TSPAN16: variants seen among roughly 807,000 people sequenced by gnomAD.
TSPAN16 encodes tetraspanin 16.
Under a neutral mutation model 25.2 loss-of-function variants are expected in TSPAN16, and 23 were observed. The observed-to-expected ratio is 0.91, with a 90% confidence interval of 0.66 to 1.29. The LOEUF is 1.29. Among genes scored for constraint, TSPAN16 ranks in the 50% most tolerant of loss-of-function variants. TSPAN16 has a pLI of 0.00. For missense variants in TSPAN16, 272 were observed against 299.9 expected (o/e 0.91, Z 0.69); for synonymous variants, 123 against 124.4 (o/e 0.99, Z 0.08).
chr19:11,321,157 G>C (rs557673949), intron 6 of TSPAN16: 2 of 148,478 alleles, frequency 1.3e-5, no homozygotes, highest in Non-Finnish European at 1.5e-5. Flanking sequence ...GGCAGAGTAG[G>C]ACTGAGTCTC....
At position 11,326,349 on chromosome 19, in the gene TSPAN16, C is replaced by A. The variant is rs190306238; in HGVS notation, c.688-445C>A. Reference sequence around the variant, plus strand: ...TGAGCCATGATCACACCACTGCACACCAGCCTGGGTGATGGAGCAAGACCC... The same window carrying A: ...TGAGCCATGATCACACCACTGCACAACAGCCTGGGTGATGGAGCAAGACCC... On this transcript the variant is annotated intron_variant, in intron 6 of 6. Coordinates refer to the TSPAN16 transcript ENST00000316737. 3.7e-3 allele frequency among the ~76,000 whole-genome samples: 568 copies of A among 152,282 alleles called. 9 individuals carry two copies. Among genetic ancestry groups the A allele is most frequent in the African/African-American group, 0.013 (550 of 41,564 alleles).
rs147164993 is a variant in TSPAN16, at chr19:11,307,126, G to T, written c.603+370G>T. 3.6e-3 allele frequency among the ~76,000 whole-genome samples: 525 copies of T among 145,678 alleles called. 3 individuals carry two copies. The highest frequency in any genetic ancestry group is 0.015 in the East Asian group (73 of 4,812). On this transcript the variant is annotated intron_variant, in intron 5 of 6. Transcript: ENST00000590327. Reference sequence around the variant, plus strand: ...CCCAGCCTTTTTATTTATTTATTTAGTTAGTTATTTTGAGATGGAGTTTCA... The same window carrying T: ...CCCAGCCTTTTTATTTATTTATTTATTTAGTTATTTTGAGATGGAGTTTCA...
downstream of TSPAN16, among the ~76,000 whole-genome samples, chr19:11,319,374 C>A (rs937254107): frequency 6.6e-6 from 1 of 152,254 alleles, no homozygotes; most frequent in African/African-American, 2.4e-5. Context: ...CCAAGGCGGG[C>A]GGATCACGAG....
chr19:11,303,740 A>G (rs1283649272), intron 4 of TSPAN16, among the ~76,000 whole-genome samples: 1 of 150,838 alleles, frequency 6.6e-6, no homozygotes, highest in African/African-American at 2.5e-5. Flanking sequence ...CCCATCAGCA[A>G]TGCAGGAGTC....
intron 1 of TSPAN16, 129 bp from the exon 2 acceptor site, chr19:11,298,013 C>T (rs1215640668): frequency 1.1e-6 from 1 of 908,968 alleles, no homozygotes; most frequent in African/African-American, 1.7e-5. Context: ...TCTTGAACTC[C>T]TGGGCTCAAG....
intron 6 of TSPAN16, among the ~76,000 whole-genome samples, chr19:11,315,170 A>G (rs149762224): frequency 0.027 from 4,097 of 149,528 alleles, 183 homozygotes; most frequent in African/African-American, 0.097. Flanking sequence ...CGGGAGATGA[A>G]GGTTGCAATG....
At chr19:11,300,976 C>T (rs12327783) in intron 3 of TSPAN16, 22,885 of 502,534 alleles carry the variant, frequency 0.046, 702 homozygotes, top group South Asian at 0.069. Context: ...CAGAGAGATA[C>T]GCTTGGCTCC....
chr19:11,298,067 C>A, intron 1 of TSPAN16, 75 bp from the exon 2 acceptor site: 1 of 1,496,976 alleles, frequency 6.7e-7, no homozygotes. Context: ...CAGGCATGAG[C>A]CACCGCACTC....
intron 6 of TSPAN16, chr19:11,325,343 G>A (rs904427619): frequency 1.1e-5 from 14 of 1,235,888 alleles, no homozygotes; most frequent in African/African-American, 6.1e-5. Context: ...CTCACGCCTC[G>A]ATCACAGTCC....
At chr19:11,319,633 A>G (rs2080766129), downstream of TSPAN16, among the ~76,000 whole-genome samples, 1 of 151,580 alleles carries the variant, frequency 6.6e-6, no homozygotes, top group South Asian at 2.1e-4. Flanking sequence ...AAACAAAAAA[A>G]CAAAAAAAGG....
intron 4 of TSPAN16, among the ~76,000 whole-genome samples, chr19:11,304,942 C>A (rs576787061): frequency 2.6e-5 from 4 of 151,856 alleles, no homozygotes; most frequent in African/African-American, 9.7e-5. Flanking sequence ...TGAGCCACTG[C>A]GCCCAGCTTC....
intron 4 of TSPAN16, among the ~76,000 whole-genome samples, chr19:11,305,529 CA>C (rs908651548): frequency 2.7e-5 from 4 of 147,838 alleles, no homozygotes; most frequent in Admixed American, 1.4e-4. Flanking sequence ...GACTGTGTCT[CA>C]AAAAAAATAA....
chr19:11,320,673 CAA>C (rs34867288), downstream of TSPAN16, among the ~76,000 whole-genome samples: 69 of 114,284 alleles, frequency 6.0e-4, no homozygotes, highest in Admixed American at 6.4e-4. Context: ...ACCTTGTCTC[CAA>C]AAAAAAAAAA....
At chr19:11,317,995 C>A (rs146270648), downstream of TSPAN16, among the ~76,000 whole-genome samples, 1 of 152,092 alleles carries the variant, frequency 6.6e-6, no homozygotes, top group African/African-American at 2.4e-5. Context: ...AACAAACTAC[C>A]TAAACCTGAA....
chr19:11,298,063 T>G, intron 1 of TSPAN16, 79 bp from the exon 2 acceptor site: 123 of 1,477,016 alleles, frequency 8.3e-5, no homozygotes, highest in Non-Finnish European at 1.1e-4. Flanking sequence ...ATTACAGGCA[T>G]GAGCCACCGC....
At chr19:11,303,838 C>A (rs767394281) in intron 4 of TSPAN16, among the ~76,000 whole-genome samples, 4 of 151,450 alleles carry the variant, frequency 2.6e-5, no homozygotes, top group Non-Finnish European at 4.4e-5. Context: ...AGTTGGAGTG[C>A]AGTGGCGCAA....
intron 5 of TSPAN16, among the ~76,000 whole-genome samples, chr19:11,308,384 C>G (rs368798147): frequency 1.9e-3 from 296 of 151,998 alleles, no homozygotes; most frequent in Admixed American, 2.9e-3. Context: ...CCGCAGCCTC[C>G]GCCTCCCAGG....
intron 6 of TSPAN16, 80 bp from the exon 7 acceptor site, chr19:11,315,711 C>T (rs2080742597): frequency 1.8e-6 from 2 of 1,131,342 alleles, no homozygotes; most frequent in African/African-American, 1.6e-5. Context: ...GGATGCTCCC[C>T]TTGTCCCCGT....
intron 3 of TSPAN16, among the ~76,000 whole-genome samples, chr19:11,300,342 C>T (rs1446714972): frequency 6.6e-6 from 1 of 152,166 alleles, no homozygotes; most frequent in Non-Finnish European, 1.5e-5. Context: ...TAGGTTATTC[C>T]ACTCAAGTGG....
Sources: gnomAD v4.1 joint callset for allele counts (sites outside exome capture counted in the v4.1 genomes callset) on GRCh38, gnomAD v4.1.1 for gene constraint, MANE v1.5 for transcripts, NCBI Gene and HGNC (gene_info 2026-07-23, HGNC 2026-07-21) for gene names.